Variants in ANKRD55 observed in about 807,000 individuals in gnomAD.
The protein encoded by ANKRD55 is ankyrin repeat domain 55, also known as ankyrin repeat domain-containing protein 55.
In ANKRD55, 41 loss-of-function variants were observed where a neutral mutation model predicts 60.6. The observed-to-expected ratio is 0.68, with a 90% CI of 0.53 to 0.88. The LOEUF (loss-of-function observed/expected upper bound fraction) is 0.88. Ranked by LOEUF, ANKRD55 falls within the 40% of genes least tolerant of loss-of-function variation. The pLI is 0.00. For missense variants in ANKRD55, 732 were observed against 767.6 expected (o/e 0.95, Z 0.55); for synonymous variants, 264 against 290.3 (o/e 0.91, Z 0.92).
chr5:56,161,620 A>G (rs997906542), intron 5 of ANKRD55, among the ~76,000 whole-genome samples: 10 of 152,208 alleles, frequency 6.6e-5, no homozygotes, highest in African/African-American at 9.7e-5. Context: ...TGTGGTTTCA[A>G]TCTTGTTGTA....
chr5:56,210,617 C>T (rs1431231409), intron 2 of ANKRD55, among the ~76,000 whole-genome samples: 1 of 146,266 alleles, frequency 6.8e-6, no homozygotes, highest in African/African-American at 2.5e-5. Flanking sequence ...AAGACACTAA[C>T]CCTTCATCTG....
chr5:56,225,095 G>A (rs182475104), intron 2 of ANKRD55, among the ~76,000 whole-genome samples: 3 of 152,200 alleles, frequency 2.0e-5, no homozygotes, highest in Non-Finnish European at 4.4e-5. Context: ...TAAAATACTG[G>A]CAAACCGAAC....
At chr5:56,166,822 G>C (rs1758495632) in intron 5 of ANKRD55, among the ~76,000 whole-genome samples, 4 of 152,140 alleles carry the variant, frequency 2.6e-5, no homozygotes, top group Admixed American at 2.0e-4. Context: ...TCCTTCTTCA[G>C]TAGAAATATT....
chr5:56,127,748 C>T (rs1323878408), intron 7 of ANKRD55: 3 of 191,076 alleles, frequency 1.6e-5, no homozygotes, highest in African/African-American at 7.1e-5. Flanking sequence ...GAACATTATG[C>T]CTTAAGCACA....
At chr5:56,158,892 C>T (rs1758257910) in intron 6 of ANKRD55, among the ~76,000 whole-genome samples, 1 of 152,178 alleles carries the variant, frequency 6.6e-6, no homozygotes. Context: ...TGGAGTCTCG[C>T]TCTGCTGCCC....
intron 11 of ANKRD55, 42 bp downstream of exon 11, chr5:56,102,452 T>G (rs1161169562): frequency 1.4e-6 from 2 of 1,396,016 alleles, no homozygotes; most frequent in African/African-American, 2.9e-5. Flanking sequence ...CTAGATATGT[T>G]AACACTTGCA....
At chr5:56,111,929 G>T in intron 9 of ANKRD55, 147 bp from the exon 10 acceptor site, 2 of 717,890 alleles carry the variant, frequency 2.8e-6, no homozygotes, top group Non-Finnish European at 4.0e-6. Flanking sequence ...CAAGTTAAAG[G>T]CAGTGTGAAG....
intron 8 of ANKRD55, among the ~76,000 whole-genome samples, chr5:56,121,842 G>A (rs1396221080): frequency 1.3e-5 from 2 of 152,032 alleles, no homozygotes; most frequent in African/African-American, 2.4e-5. Context: ...AAATAATTCT[G>A]GGTAGAATTA....
intron 2 of ANKRD55, among the ~76,000 whole-genome samples, chr5:56,226,488 T>C (rs2111897391): frequency 6.7e-6 from 1 of 149,586 alleles, no homozygotes; most frequent in East Asian, 2.0e-4. Context: ...AAATGGGATC[T>C]AATTAAACTA....
intron 2 of ANKRD55, among the ~76,000 whole-genome samples, chr5:56,203,508 G>T (rs1272889008): frequency 6.6e-6 from 1 of 151,742 alleles, no homozygotes; most frequent in South Asian, 2.1e-4. Context: ...AACAGTCCCC[G>T]GTGTGTGATG....
chr5:56,200,293 T>G (rs1490447365), intron 2 of ANKRD55, among the ~76,000 whole-genome samples: 1 of 152,120 alleles, frequency 6.6e-6, no homozygotes, highest in African/African-American at 2.4e-5. Flanking sequence ...ATTCTGACCT[T>G]TATAAATACT....
intron 2 of ANKRD55, among the ~76,000 whole-genome samples, chr5:56,196,941 C>T (rs892898501): frequency 6.6e-6 from 1 of 152,110 alleles, no homozygotes; most frequent in African/African-American, 2.4e-5. Flanking sequence ...CTCTCAGGGC[C>T]CCATCTCAGA....
At chr5:56,166,091 T>TTTCTTTCTTTCTTTCTTTCTTTC (rs1561277583) in intron 5 of ANKRD55, among the ~76,000 whole-genome samples, 350 of 18,852 alleles carry the variant, frequency 0.019, 13 homozygotes, top group Admixed American at 0.038. Context: ...TTTCTTTTTC[T>TTTCTTTCTTTCTTTCTTTCTTTC]TTCTTTCTTT....
At chr5:56,230,345 G>C (rs1040786409) in intron 2 of ANKRD55, among the ~76,000 whole-genome samples, 1 of 152,108 alleles carries the variant, frequency 6.6e-6, no homozygotes, top group Non-Finnish European at 1.5e-5. Flanking sequence ...TGCCCACCTC[G>C]GCCTCCCAAA....
At chr5:56,179,124 A>G (rs533765365) in intron 3 of ANKRD55, among the ~76,000 whole-genome samples, 10 of 152,222 alleles carry the variant, frequency 6.6e-5, no homozygotes, top group Non-Finnish European at 1.3e-4. Context: ...ACTAACAAGA[A>G]ATGGCATAAA....
Position 56,197,361 on chromosome 5 carries a change from A to G in ANKRD55, c.59-13727T>C, listed in dbSNP as rs116367612. On this transcript the variant is annotated intron_variant, in intron 2 of 11. Coordinates refer to ENST00000341048, the MANE Select transcript of ANKRD55 (RefSeq NM_024669.3). ...AGTACAAAATTTATTAAAAGCATAC[A>G]TAAAATCAGTGTCATCAAAAAGGTC... is the stretch of plus-strand genomic sequence containing the variant. Among the ~76,000 whole-genome samples the G allele has an allele frequency of 3.2e-3, 492 of 152,324 alleles. 4 individuals are homozygous for G. Among genetic ancestry groups the G allele is most frequent in the African/African-American group, 0.011 (471 of 41,574 alleles).
chr5:56,168,508 G>C (rs1758536998), intron 5 of ANKRD55, among the ~76,000 whole-genome samples: 3 of 152,098 alleles, frequency 2.0e-5, no homozygotes, highest in South Asian at 4.1e-4. Context: ...TAGTGATACT[G>C]GCATATTGTT....
At chr5:56,141,137 T>TTG (rs1554039031) in intron 7 of ANKRD55, among the ~76,000 whole-genome samples, 1 of 149,014 alleles carries the variant, frequency 6.7e-6, no homozygotes, top group African/African-American at 2.5e-5. Context: ...ACAGTTTTTT[T>TTG]TTTTTTTTTT....
intron 2 of ANKRD55, among the ~76,000 whole-genome samples, chr5:56,227,501 C>T (rs1304289153): frequency 6.6e-6 from 1 of 151,842 alleles, no homozygotes; most frequent in Non-Finnish European, 1.5e-5. Context: ...AAACAAAAAA[C>T]AAACAAAAAA....
Sources: allele counts gnomAD v4.1 joint callset (sites outside exome capture counted in the v4.1 genomes callset), GRCh38; gene constraint gnomAD v4.1.1; transcripts MANE v1.5; gene names NCBI Gene and HGNC (gene_info 2026-07-23, HGNC 2026-07-21).